The following C10orf143 variants were observed in gnomAD, a reference collection of about 807,000 sequenced individuals.
C10orf143 encodes uncharacterized protein C10orf143.
At chr10:130,060,560 A>C (rs1860842786), downstream of C10orf143, among the ~76,000 whole-genome samples, 1 of 152,218 alleles carries the variant, frequency 6.6e-6, no homozygotes, top group South Asian at 2.1e-4. Flanking sequence ...GCAGTGGCTC[A>C]CGCCTGTAAT....
chr10:130,049,770 C>G (rs1860716150), intron 3 of C10orf143, among the ~76,000 whole-genome samples: 1 of 152,304 alleles, frequency 6.6e-6, no homozygotes, highest in Middle Eastern at 3.4e-3. Context: ...ATTCCACCGG[C>G]AGGACTGAGT....
intron 3 of C10orf143, among the ~76,000 whole-genome samples, chr10:130,041,831 ACATG>A (rs1008413850): frequency 1.5e-4 from 23 of 151,946 alleles, no homozygotes; most frequent in African/African-American, 5.1e-4. Flanking sequence ...ACACACACAC[ACATG>A]CATGTACACA....
intron 1 of C10orf143, among the ~76,000 whole-genome samples, chr10:130,092,059 A>G (rs1334296681): frequency 1.3e-5 from 2 of 152,230 alleles, no homozygotes; most frequent in Non-Finnish European, 2.9e-5. Flanking sequence ...CAAGAAATAC[A>G]GAGAACACCA....
intron 3 of C10orf143, among the ~76,000 whole-genome samples, chr10:130,052,457 C>T (rs1385993105): frequency 2.0e-5 from 3 of 152,110 alleles, no homozygotes; most frequent in Admixed American, 2.0e-4. Flanking sequence ...GAAGCATCCC[C>T]GGGATAGTTA....
At chr10:130,063,431 C>A (rs540456253), downstream of C10orf143, among the ~76,000 whole-genome samples, 1 of 152,210 alleles carries the variant, frequency 6.6e-6, no homozygotes, top group African/African-American at 2.4e-5. Context: ...TTGTTTGGCA[C>A]GAACTGGCAT....
intron 3 of C10orf143, 119 bp downstream of exon 3, chr10:130,079,444 TTTA>T: frequency 2.5e-6 from 1 of 397,602 alleles, no homozygotes; most frequent in Non-Finnish European, 4.4e-6. Flanking sequence ...TTTTCACCTT[TTTA>T]TTTATGTTCC....
chr10:130,052,218 G>C (rs1860745001), intron 3 of C10orf143, among the ~76,000 whole-genome samples: 2 of 151,704 alleles, frequency 1.3e-5, no homozygotes, highest in African/African-American at 4.8e-5. Context: ...CCCTGGGTTA[G>C]GAACCTGGAC....
chr10:130,107,059 A>T (rs545433131), intron 1 of C10orf143: 42 of 1,465,530 alleles, frequency 2.9e-5, no homozygotes, highest in Non-Finnish European at 3.9e-5. Context: ...ATATCCAGTT[A>T]CCTGAAATTG....
rs192943344 is a variant in C10orf143, at chr10:130,083,506, G to C, written c.70-3605C>G. 3.1e-3 allele frequency among the ~76,000 whole-genome samples: 465 copies of C among 152,318 alleles called. 1 individual carries two copies. Among genetic ancestry groups the C allele is most frequent in the African/African-American group, 0.01 (436 of 41,572 alleles). ...AAACAACCTAAATGCCCCTACACTG[G>C]AGAGTGGTTGGATAAACTATGGTAC... On this transcript the variant is annotated intron_variant, in intron 1 of 3. Coordinates refer to ENST00000637128, the MANE Select transcript of C10orf143 (RefSeq NM_001355042.2).
At chr10:130,090,409 C>T (rs962381376) in intron 1 of C10orf143, among the ~76,000 whole-genome samples, 9 of 152,268 alleles carry the variant, frequency 5.9e-5, no homozygotes, top group South Asian at 2.1e-4. Context: ...CCATGGTCTT[C>T]GCAACCCACA....
Position 130,107,594 on chromosome 10 carries a change from T to C in C10orf143, c.69+3110A>G, listed in dbSNP as rs762381286. The C allele has an allele frequency of 4.5e-6, 6 of 1,344,884 alleles. No homozygotes were observed. The South Asian group carries it at 5.8e-5, about 13-fold the overall frequency. The allele number at this position is 1,344,884 out of a possible 1,614,324, so 83.3% of individuals were successfully genotyped here. On this transcript the variant is annotated intron_variant, in intron 1 of 3. Transcript: ENST00000637128. ...AGCATTTGGCAGAGAGCATTCCCCATATGGTCCCTCATCATTGGGTCGGCC... is the reference window on the plus strand; with the variant it reads ...AGCATTTGGCAGAGAGCATTCCCCACATGGTCCCTCATCATTGGGTCGGCC...
intron 1 of C10orf143, among the ~76,000 whole-genome samples, chr10:130,088,657 A>C (rs1400756986): frequency 5.9e-5 from 9 of 152,124 alleles, no homozygotes; most frequent in Admixed American, 5.9e-4. Flanking sequence ...TACCATGATA[A>C]AGTTACTTCT....
Position 130,107,555 on chromosome 10 carries a change from G to A in C10orf143, c.69+3149C>T, listed in dbSNP as rs748308316. ...TCTAAAAAAAGATCCTTATGTACTT[G>A]ATGTTCCAAATACAGCATTTGGCAG... is the stretch of plus-strand genomic sequence containing the variant. On this transcript the variant is annotated intron_variant, in intron 1 of 3. Transcript: ENST00000637128. 21 of 1,345,448 alleles carry A rather than the reference G, an allele frequency of 1.6e-5. No homozygotes were observed. In the South Asian group the frequency reaches 2.5e-4, roughly 16 times the overall value. 83.3% of individuals were successfully genotyped at this position (1,345,448 alleles called of 1,614,324 possible). A position where few individuals can be genotyped will look rare whatever the true frequency, so the allele number is the denominator to read the frequency against.
At chr10:130,106,428 A>G in intron 1 of C10orf143, 1 of 1,602,826 alleles carries the variant, frequency 6.2e-7, no homozygotes, top group Admixed American at 1.7e-5. Flanking sequence ...CGAAGTTTGG[A>G]GGCAACCTGT....
intron 3 of C10orf143, among the ~76,000 whole-genome samples, chr10:130,046,335 G>A (rs1860672403): frequency 6.6e-6 from 1 of 152,028 alleles, no homozygotes; most frequent in South Asian, 2.1e-4. Context: ...ACCTGTGCAC[G>A]CCGCTCCCCC....
intron 1 of C10orf143, among the ~76,000 whole-genome samples, chr10:130,082,183 CT>C (rs879339260): frequency 3.8e-4 from 55 of 145,870 alleles, no homozygotes; most frequent in Admixed American, 4.1e-4. Context: ...ATATGATCTT[CT>C]TTTTTTTTTT....
In C10orf143 at chr10:130,079,781, G is replaced by A. The variant is rs1017766151; in HGVS notation, c.190C>T (p.Pro64Ser). 7.5e-6 allele frequency: 3 copies of A among 398,658 alleles called. No homozygotes were observed. Among genetic ancestry groups the A allele is most frequent in the Non-Finnish European group, 1.3e-5 (3 of 226,082 alleles). The allele number at this position is 398,658 out of a possible 1,614,324, so 24.7% of individuals were successfully genotyped here. Residue 64 changes from proline to serine, a missense_variant, in exon 2 of 4, where the codon CCA (proline) becomes TCA (serine). By Grantham distance (74) the Pro-to-Ser change is moderately conservative. Transcript: ENST00000637128. Reference sequence around the variant, plus strand: ...TGGCCACTCTCTGGCCTTGGTGCTGGGAGGCAGCCTCTTGATGGAAGCTCC... The same window carrying A: ...TGGCCACTCTCTGGCCTTGGTGCTGAGAGGCAGCCTCTTGATGGAAGCTCC... ...DRELPSRGCL[P>S]APRPESGQGR...
intron 3 of C10orf143, among the ~76,000 whole-genome samples, chr10:130,044,537 C>A (rs147338427): frequency 5.3e-5 from 8 of 152,300 alleles, no homozygotes; most frequent in African/African-American, 9.6e-5. Flanking sequence ...AAGGGGGTTT[C>A]ATTGAGGTGA....
chr10:130,059,838 C>T (rs977551981), downstream of C10orf143, among the ~76,000 whole-genome samples: 2 of 151,946 alleles, frequency 1.3e-5, no homozygotes, highest in African/African-American at 4.8e-5. Flanking sequence ...TTGTAAAACA[C>T]AAAACAAAAC....
Sources: allele counts gnomAD v4.1 joint callset (sites outside exome capture counted in the v4.1 genomes callset), GRCh38; gene constraint gnomAD v4.1.1; transcripts MANE v1.5; gene names NCBI Gene and HGNC (gene_info 2026-07-23, HGNC 2026-07-21).